Variants in PALMD observed in about 807,000 individuals in gnomAD.
PALMD encodes the protein paralemmin-like protein.
Under a neutral mutation model 56.2 loss-of-function variants are expected in PALMD, and 42 were observed. That is an observed-to-expected ratio of 0.75 (90% CI 0.58 to 0.97). The LOEUF is 0.97. Ranked by LOEUF, PALMD falls within the 50% of genes least tolerant of loss-of-function variation. PALMD has a pLI of 0.00. For missense variants in PALMD, 660 were observed against 643.8 expected (o/e 1.03, Z -0.27); for synonymous variants, 242 against 222.9 (o/e 1.09, Z -0.76).
At chr1:99,687,332 C>T (rs547015774) in intron 6 of PALMD, 143 bp downstream of exon 6, 28 of 828,112 alleles carry the variant, frequency 3.4e-5, no homozygotes, top group Middle Eastern at 3.7e-4. Flanking sequence ...TGTGAGTCAC[C>T]GCATAGGTGA....
At chr1:99,667,943 A>T in intron 3 of PALMD, 177 bp downstream of exon 3, 1 of 549,776 alleles carries the variant, frequency 1.8e-6, no homozygotes, top group Non-Finnish European at 3.2e-6. Flanking sequence ...CAGTGACATG[A>T]TCTCGGCTCA....
intron 1 of PALMD, among the ~76,000 whole-genome samples, chr1:99,657,601 ACT>A (rs1325748038): frequency 6.6e-6 from 1 of 152,042 alleles, no homozygotes; most frequent in African/African-American, 2.4e-5. Flanking sequence ...CATGCTTTTA[ACT>A]CTATCATTCT....
At chr1:99,693,112 A>G (rs1196126679) in intron 7 of PALMD, among the ~76,000 whole-genome samples, 3 of 152,246 alleles carry the variant, frequency 2.0e-5, no homozygotes, top group African/African-American at 7.2e-5. Flanking sequence ...AAAGGTAACC[A>G]ATATATGGTA....
chr1:99,662,296 A>G (rs775662933), intron 1 of PALMD, 23 bp from the exon 2 acceptor site: 3 of 1,249,404 alleles, frequency 2.4e-6, no homozygotes, highest in African/African-American at 3.0e-5. Flanking sequence ...AAAATAAAAT[A>G]TACTGGAACT....
At chr1:99,670,521 A>G (rs984257539) in intron 3 of PALMD, among the ~76,000 whole-genome samples, 1 of 152,210 alleles carries the variant, frequency 6.6e-6, no homozygotes, top group African/African-American at 2.4e-5. Context: ...AGCCAGGTTC[A>G]GTGCTCTCCA....
intron 1 of PALMD, among the ~76,000 whole-genome samples, chr1:99,650,604 G>C (rs958400746): frequency 1.3e-5 from 2 of 152,194 alleles, no homozygotes; most frequent in African/African-American, 4.8e-5. Context: ...CAGTAAGACA[G>C]TTAGTGACCC....
intron 3 of PALMD, 73 bp downstream of exon 3, chr1:99,667,839 A>T: frequency 7.5e-7 from 1 of 1,339,102 alleles, no homozygotes; most frequent in Non-Finnish European, 1.0e-6. Flanking sequence ...TAGACATGCC[A>T]TTCTCACTTT....
At chr1:99,682,586 C>T (rs1277121360) in intron 3 of PALMD, among the ~76,000 whole-genome samples, 1 of 152,016 alleles carries the variant, frequency 6.6e-6, no homozygotes, top group Admixed American at 6.6e-5. Context: ...TTACATTACC[C>T]ACGGCTTTAT....
chr1:99,674,781 G>T (rs754270481), intron 3 of PALMD, among the ~76,000 whole-genome samples: 1 of 152,134 alleles, frequency 6.6e-6, no homozygotes, highest in Non-Finnish European at 1.5e-5. Context: ...ACAAAACAAA[G>T]GAGCAACTGA....
At chr1:99,673,119 T>C (rs1653122013) in intron 3 of PALMD, among the ~76,000 whole-genome samples, 1 of 152,114 alleles carries the variant, frequency 6.6e-6, no homozygotes, top group Non-Finnish European at 1.5e-5. Flanking sequence ...TGCATTCTGC[T>C]CAATATCATG....
chr1:99,683,719 T>C (rs1373959408), intron 3 of PALMD: 2 of 152,272 alleles, frequency 1.3e-5, no homozygotes, highest in African/African-American at 4.8e-5. Context: ...ACATTTCAAG[T>C]CATAGCATGT....
chr1:99,686,599 T>C lies in PALMD; in HGVS notation c.252-77T>C, dbSNP rs951886405. 2.0e-5 allele frequency: 14 copies of C among 696,580 alleles called. No homozygotes were observed. In the Admixed American group the frequency reaches 2.5e-4, roughly 12 times the overall value. 43.1% of individuals were successfully genotyped at this position (696,580 alleles called of 1,614,324 possible). ...ACATGCATATTCCAAGGAAACTTTA[T>C]ATATGGGGAAGACATATTTGAGAAC... is the stretch of plus-strand genomic sequence containing the variant. On this transcript the variant is annotated intron_variant, in intron 3 of 7. Transcript: ENST00000263174.
Position 99,689,572 on chromosome 1 carries a change from G to A in PALMD, c.1312G>A (p.Gly438Arg). The part of the protein sequence containing the change: ...EDKKFLTGYD[G>R]IIHAELVVID... ...TAAGAAGTTTCTGACAGGATATGAT[G>A]GGATCATCCATGCTGAGCTGGTTGT... The change falls in exon 7 of 8, where the codon GGG (glycine) becomes AGG (arginine). Residue 438 changes from glycine (G) to arginine (R), a missense_variant. Physicochemically the swap from Gly to Arg is moderately radical, Grantham distance 125 (BLOSUM62 -2). Coordinates refer to ENST00000263174, the MANE Select transcript of PALMD (RefSeq NM_017734.5). 6.2e-7 allele frequency: 1 copy of A among 1,613,752 alleles called. No individual in the cohort carries two copies. Among genetic ancestry groups the A allele is most frequent in the African/African-American group, 1.3e-5 (1 of 75,014 alleles).
chr1:99,694,158 C>CA lies in PALMD; in HGVS notation c.*102dup. The CA allele has an allele frequency of 3.7e-6, 3 of 816,650 alleles. No homozygotes were observed. Among genetic ancestry groups the CA allele is most frequent in the Non-Finnish European group, 6.0e-6 (3 of 502,786 alleles). The allele number at this position is 816,650 out of a possible 1,614,324, so 50.6% of individuals were successfully genotyped here. On this transcript the variant is annotated 3_prime_UTR_variant, in exon 8 of 8. Transcript: ENST00000263174. The stretch of plus-strand genomic sequence containing the variant: ...TATTTTGTTTATTTTTTCTGAAGTC[C>CA]AAAAAATTATCATTACAGTGTACCA...
At chr1:99,656,602 A>G (rs1434126085) in intron 1 of PALMD, among the ~76,000 whole-genome samples, 1 of 152,152 alleles carries the variant, frequency 6.6e-6, no homozygotes, top group East Asian at 1.9e-4. Flanking sequence ...AATTGTTTCA[A>G]TTGGTTTAGA....
chr1:99,694,075 C>G lies in PALMD; in HGVS notation c.*13C>G. 6.5e-7 allele frequency: 1 copy of G among 1,547,616 alleles called. No homozygotes were observed. On this transcript the variant is annotated 3_prime_UTR_variant, in exon 8 of 8. Coordinates refer to ENST00000263174, the MANE Select transcript of PALMD (RefSeq NM_017734.5). The stretch of plus-strand genomic sequence containing the variant: ...AAAGGTGATCTAAGAGTTGTACCAC[C>G]TATATAAACATCCTTTGAAGAAGAA...
chr1:99,649,056 G>A (rs1259501321), intron 1 of PALMD, among the ~76,000 whole-genome samples: 1 of 152,134 alleles, frequency 6.6e-6, no homozygotes, highest in East Asian at 1.9e-4. Flanking sequence ...AAGAGAATAA[G>A]AGCAAAATTA....
chr1:99,656,728 T>C (rs1402575305), intron 1 of PALMD, among the ~76,000 whole-genome samples: 1 of 152,156 alleles, frequency 6.6e-6, no homozygotes, highest in East Asian at 1.9e-4. Flanking sequence ...TAGTGAGAAC[T>C]AAAAAGAGCC....
chr1:99,684,068 TA>T (rs1391694309), intron 3 of PALMD: 2 of 152,222 alleles, frequency 1.3e-5, no homozygotes, highest in African/African-American at 2.4e-5. Context: ...TCATCAAAAA[TA>T]TTTTTTCTTC....
Sources: gnomAD v4.1 joint callset for allele counts (sites outside exome capture counted in the v4.1 genomes callset) on GRCh38, gnomAD v4.1.1 for gene constraint, MANE v1.5 for transcripts, NCBI Gene and HGNC (gene_info 2026-07-23, HGNC 2026-07-21) for gene names.